Variants in FBLN7 observed in about 807,000 individuals in gnomAD.
FBLN7 encodes the protein fibulin-7.
In FBLN7, 31 loss-of-function variants were observed where a neutral mutation model predicts 44.0. That is an observed-to-expected ratio of 0.70 (90% CI 0.53 to 0.95). The LOEUF (loss-of-function observed/expected upper bound fraction) is 0.95. FBLN7 is among the 40% of genes least tolerant of loss of function. The probability of loss-of-function intolerance (pLI) is 0.00; values close to 1 mark genes in which losing one functional copy is unlikely to be tolerated. For synonymous variants in FBLN7, 262 were observed against 253.4 expected (o/e 1.03, Z -0.32); for missense variants, 573 against 618.5 (o/e 0.93, Z 0.78).
At chr2:112,167,341 G>C (rs1184096708) in intron 3 of FBLN7, among the ~76,000 whole-genome samples, 1 of 152,204 alleles carries the variant, frequency 6.6e-6, no homozygotes, top group African/African-American at 2.4e-5. Flanking sequence ...GTGGTTACTT[G>C]ACAAAGGTGG....
chr2:112,238,911 G>A, the FBLN7 span, among the ~76,000 whole-genome samples: 126 of 152,300 alleles, frequency 8.3e-4, no homozygotes, highest in Admixed American at 2.2e-3. Context: ...TGCATTGACA[G>A]TACTTTTAAA....
intron 4 of FBLN7, among the ~76,000 whole-genome samples, chr2:112,181,309 T>G (rs1682979724): frequency 6.6e-6 from 1 of 152,094 alleles, no homozygotes; most frequent in Non-Finnish European, 1.5e-5. Context: ...CTTCACATGT[T>G]GAAGGTCTTC....
At chr2:112,150,821 A>G (rs1275045442) in intron 1 of FBLN7, among the ~76,000 whole-genome samples, 1 of 152,204 alleles carries the variant, frequency 6.6e-6, no homozygotes, top group Non-Finnish European at 1.5e-5. Flanking sequence ...ACGTGACAGG[A>G]GAGAGAAAGA....
At chr2:112,160,207 G>A (rs944782595) in intron 2 of FBLN7, among the ~76,000 whole-genome samples, 4 of 152,148 alleles carry the variant, frequency 2.6e-5, no homozygotes, top group South Asian at 2.1e-4. Flanking sequence ...AGCCAGGATG[G>A]TCTCGATCTC....
At chr2:112,205,714 A>T in the FBLN7 span, among the ~76,000 whole-genome samples, 2 of 152,094 alleles carry the variant, frequency 1.3e-5, no homozygotes, top group African/African-American at 2.4e-5. Flanking sequence ...CACTATCTTC[A>T]TTACTGTAGC....
chr2:112,183,668 G>A (rs566627688), intron 6 of FBLN7, among the ~76,000 whole-genome samples: 61 of 152,204 alleles, frequency 4.0e-4, no homozygotes, highest in African/African-American at 1.1e-3. Context: ...GGGCAGCGGC[G>A]CAGATGGAAA....
the FBLN7 span, chr2:112,238,607 G>T: frequency 8.3e-7 from 1 of 1,202,664 alleles, no homozygotes; most frequent in Non-Finnish European, 1.2e-6. Flanking sequence ...AAACAAGATT[G>T]GCTATAAACT....
At chr2:112,230,738 G>A in the FBLN7 span, 1 of 318,830 alleles carries the variant, frequency 3.1e-6, no homozygotes, top group South Asian at 4.5e-5. Flanking sequence ...GCAGGCTGAT[G>A]TAGATCCATA....
At chr2:112,242,939 T>C in the FBLN7 span, among the ~76,000 whole-genome samples, 20 of 152,372 alleles carry the variant, frequency 1.3e-4, no homozygotes, top group Admixed American at 6.5e-5. Context: ...TAAATCATGA[T>C]TGATTACAGC....
chr2:112,189,199 C>T (rs978942226), downstream of FBLN7: 4 of 152,316 alleles, frequency 2.6e-5, no homozygotes, highest in African/African-American at 7.2e-5. Flanking sequence ...GTCTCCAGAG[C>T]AGGTGCCCTC....
At chr2:112,156,113 G>A (rs1265038386) in intron 1 of FBLN7, among the ~76,000 whole-genome samples, 2 of 152,198 alleles carry the variant, frequency 1.3e-5, no homozygotes, top group Non-Finnish European at 2.9e-5. Flanking sequence ...TCCTGCCCCC[G>A]CTGCCCAGGT....
rs75170819 is a variant in FBLN7, at chr2:112,142,381, C to G, written c.75+3651C>G. 7.0e-3 allele frequency among the ~76,000 whole-genome samples: 1,071 copies of G among 152,248 alleles called. 15 individuals carry two copies. Among genetic ancestry groups the G allele is most frequent in the African/African-American group, 0.025 (1,018 of 41,528 alleles). ...TGTAATGATATATTTTGGTAGGTTT[C>G]AAGTTTATTGTCTGTATTCCCACTA... is the stretch of plus-strand genomic sequence containing the variant. On this transcript the variant is annotated intron_variant, in intron 1 of 7. Coordinates refer to ENST00000331203, the MANE Select transcript of FBLN7 (RefSeq NM_153214.3).
chr2:112,242,897 T>C, the FBLN7 span, among the ~76,000 whole-genome samples: 6 of 152,344 alleles, frequency 3.9e-5, no homozygotes, highest in East Asian at 1.9e-4. Context: ...TAAGTTTCAT[T>C]TGTAGCCAAA....
chr2:112,171,680 A>G (rs1490432122), intron 3 of FBLN7, among the ~76,000 whole-genome samples: 1 of 152,200 alleles, frequency 6.6e-6, no homozygotes. Flanking sequence ...CAAGTCGCAC[A>G]TATTCAGTAT....
At chr2:112,149,640 G>T (rs1681054094) in intron 1 of FBLN7, among the ~76,000 whole-genome samples, 1 of 152,186 alleles carries the variant, frequency 6.6e-6, no homozygotes, top group East Asian at 1.9e-4. Flanking sequence ...AAGACTCCCA[G>T]GGTGGGTTGA....
chr2:112,156,490 T>C (rs1449385440), intron 1 of FBLN7, among the ~76,000 whole-genome samples: 3 of 152,192 alleles, frequency 2.0e-5, no homozygotes, highest in Non-Finnish European at 4.4e-5. Flanking sequence ...GCAATTGACA[T>C]ATAAACCATG....
At chr2:112,230,005 C>T in the FBLN7 span, among the ~76,000 whole-genome samples, 2 of 148,670 alleles carry the variant, frequency 1.3e-5, no homozygotes, top group East Asian at 1.9e-4. Flanking sequence ...GCCACACATA[C>T]CTCACAAAGA....
At chr2:112,233,406 T>C in the FBLN7 span, 2 of 1,341,096 alleles carry the variant, frequency 1.5e-6, no homozygotes, top group Non-Finnish European at 2.1e-6. Context: ...AAAGCCATTA[T>C]TTCTCATAGT....
At chr2:112,164,436 C>T (rs1682032187) in intron 2 of FBLN7, among the ~76,000 whole-genome samples, 1 of 152,182 alleles carries the variant, frequency 6.6e-6, no homozygotes, top group Non-Finnish European at 1.5e-5. Flanking sequence ...ACTGAGAAGA[C>T]AGCAGAGTGA....
Sources: gnomAD v4.1 joint callset for allele counts (sites outside exome capture counted in the v4.1 genomes callset) on GRCh38, gnomAD v4.1.1 for gene constraint, MANE v1.5 for transcripts, NCBI Gene and HGNC (gene_info 2026-07-23, HGNC 2026-07-21) for gene names.